Variants in USP13 observed in about 807,000 individuals in gnomAD.
USP13 encodes ubiquitin carboxyl-terminal hydrolase 13.
A neutral mutation model predicts 107.8 loss-of-function variants in USP13; 68 were observed. That is an observed-to-expected ratio of 0.63 (90% confidence interval 0.52 to 0.77). The LOEUF (loss-of-function observed/expected upper bound fraction) is 0.77, where lower values mean the gene tolerates loss of function less well. USP13 is among the 30% of genes least tolerant of loss of function. The probability of loss-of-function intolerance (pLI) is 0.00; values close to 1 mark genes in which losing one functional copy is unlikely to be tolerated. For missense variants in USP13, 945 were observed against 1,093.3 expected, an observed-to-expected ratio of 0.86 and a Z score of 1.91; for synonymous variants, 377 against 389.5, an observed-to-expected ratio of 0.97 and a Z score of 0.38.
Position 179,706,931 on chromosome 3 carries a change from T to C in USP13, c.478-3T>C, listed in dbSNP as rs766591232. ...ATATATTACATCTGGGTTTGTCTTA[T>C]AGGTAACAATTGCTTGTGATGCAGT... is the stretch of plus-strand genomic sequence containing the variant. On this transcript the variant is annotated splice_polypyrimidine_tract_variant and splice_region_variant and intron_variant, in intron 4 of 20. Transcript: ENST00000263966. The C allele has an allele frequency of 1.1e-5, 18 of 1,612,022 alleles. No individual in the cohort carries two copies. Among genetic ancestry groups the C allele is most frequent in the African/African-American group, 2.7e-5 (2 of 74,824 alleles).
chr3:179,674,447 C>T (rs563642919), intron 1 of USP13, among the ~76,000 whole-genome samples: 5 of 152,146 alleles, frequency 3.3e-5, no homozygotes, highest in Non-Finnish European at 7.3e-5. Context: ...GGAGAAGCAC[C>T]ACTGTAGACC....
intron 1 of USP13, among the ~76,000 whole-genome samples, chr3:179,669,827 T>C (rs916535231): frequency 1.4e-5 from 2 of 139,166 alleles, no homozygotes; most frequent in African/African-American, 4.9e-5. Flanking sequence ...ATGTATATTT[T>C]CTTGACCCCC....
chr3:179,783,909 C>T, intron 20 of USP13, 139 bp from the exon 21 acceptor site: 1 of 620,078 alleles, frequency 1.6e-6, no homozygotes, highest in Non-Finnish European at 2.7e-6. Context: ...CATTCTGTCC[C>T]TTTTTATACA....
At chr3:179,773,043 G>A (rs974208050) in intron 19 of USP13, among the ~76,000 whole-genome samples, 1 of 152,176 alleles carries the variant, frequency 6.6e-6, no homozygotes, top group African/African-American at 2.4e-5. Context: ...TATTGCGCCT[G>A]ATATACTTTG....
At chr3:179,707,273 C>A (rs1447735552) in intron 5 of USP13, among the ~76,000 whole-genome samples, 197 bp downstream of exon 5, 13 of 152,172 alleles carry the variant, frequency 8.5e-5, no homozygotes, top group African/African-American at 2.9e-4. Context: ...TACCCCTAAG[C>A]CCTTCCCTGC....
chr3:179,675,321 T>C (rs1344340928), intron 1 of USP13, among the ~76,000 whole-genome samples: 1 of 151,888 alleles, frequency 6.6e-6, no homozygotes, highest in African/African-American at 2.4e-5. Flanking sequence ...TTCGTATAAG[T>C]TGTAGATCTA....
At chr3:179,703,888 C>T (rs186659125) in intron 4 of USP13, among the ~76,000 whole-genome samples, 7 of 152,266 alleles carry the variant, frequency 4.6e-5, no homozygotes, top group Middle Eastern at 3.4e-3. Context: ...TATGATTTAA[C>T]GTTTTATAAT....
chr3:179,756,824 A>G (rs927156966), intron 15 of USP13, among the ~76,000 whole-genome samples: 2 of 152,128 alleles, frequency 1.3e-5, no homozygotes, highest in Non-Finnish European at 2.9e-5. Flanking sequence ...GTTTGTTAGG[A>G]TAATAATCAA....
rs1715931316 is a variant in USP13 at position 179,786,996 on chromosome 3, T to TGC, written c.*2855_*2856insGC. ...AAATGCCCATATAACTAATCAGAAATCCAGTTTGGTTCAGATTGGGATTTT... is the reference window on the plus strand; with the variant it reads ...AAATGCCCATATAACTAATCAGAAATGCCCAGTTTGGTTCAGATTGGGATTTT... On this transcript the variant is annotated 3_prime_UTR_variant, in exon 21 of 21. Transcript: ENST00000263966. 1.3e-5 allele frequency: 2 copies of TGC among 152,274 alleles called. No individual in the cohort carries two copies. Among genetic ancestry groups the TGC allele is most frequent in the African/African-American group, 4.8e-5 (2 of 41,568 alleles). 9.4% of individuals were successfully genotyped at this position (152,274 alleles called of 1,614,324 possible). A position where few individuals can be genotyped will look rare whatever the true frequency, so the allele number is the denominator to read the frequency against.
Position 179,764,160 on chromosome 3 carries a change from C to A in USP13, c.2251C>A (p.Arg751=). 1.2e-6 allele frequency: 2 copies of A among 1,608,104 alleles called. No homozygotes were observed. The highest frequency in any genetic ancestry group is 2.2e-5 in the East Asian group (1 of 44,572). ...GCGAAATCAGGCTATTCAGGCACTA[C>A]GAGCAACGGTGAGCATGAGAGACTG... The part of the protein sequence containing the change: ...FQRNQAIQAL[R]ATNNNLERAL... Residue 751 remains arginine (R), a synonymous_variant, in exon 18 of 21, where the codon CGA becomes AGA. Transcript: ENST00000263966.
intron 19 of USP13, among the ~76,000 whole-genome samples, chr3:179,773,648 G>A (rs949432219): frequency 6.6e-6 from 1 of 152,162 alleles, no homozygotes. Context: ...ATTAATGAGA[G>A]AATCAGTCAG....
intron 2 of USP13, among the ~76,000 whole-genome samples, chr3:179,688,078 T>TATCCATCCATCC (rs370920027): frequency 2.7e-4 from 24 of 87,344 alleles, no homozygotes; most frequent in Non-Finnish European, 5.0e-4. Flanking sequence ...GTAATCAGGA[T>TATCCATCCATCC]ATCCATCCAT....
At chr3:179,740,982 G>A (rs1284959563) in intron 11 of USP13, among the ~76,000 whole-genome samples, 1 of 151,940 alleles carries the variant, frequency 6.6e-6, no homozygotes, top group East Asian at 1.9e-4. Flanking sequence ...GGTCAGGCTG[G>A]TTTTGAACTC....
chr3:179,683,688 G>A (rs1041286947), intron 2 of USP13, among the ~76,000 whole-genome samples: 2 of 152,202 alleles, frequency 1.3e-5, no homozygotes, highest in South Asian at 2.1e-4. Context: ...TTCCTCCCAT[G>A]ACATGGGGGA....
intron 1 of USP13, among the ~76,000 whole-genome samples, chr3:179,666,075 T>C (rs569677860): frequency 3.9e-5 from 6 of 152,164 alleles, no homozygotes; most frequent in African/African-American, 1.2e-4. Context: ...GTATGTGAGA[T>C]AGTAAATTGT....
At chr3:179,726,231 G>T (rs1406151702) in intron 8 of USP13, among the ~76,000 whole-genome samples, 1 of 152,150 alleles carries the variant, frequency 6.6e-6, no homozygotes, top group Non-Finnish European at 1.5e-5. Context: ...ACAGCAGAAG[G>T]CATGACCTTG....
intron 8 of USP13, among the ~76,000 whole-genome samples, chr3:179,728,181 C>T (rs374939973): frequency 7.8e-5 from 11 of 141,006 alleles, no homozygotes; most frequent in South Asian, 2.4e-4. Flanking sequence ...CCGGACGGGG[C>T]GGCTGGCCTG....
intron 6 of USP13, among the ~76,000 whole-genome samples, chr3:179,709,221 G>C (rs1040474579): frequency 6.6e-6 from 1 of 152,172 alleles, no homozygotes; most frequent in Non-Finnish European, 1.5e-5. Flanking sequence ...CTCAGTGCAC[G>C]CTGTAAGGTC....
chr3:179,711,969 A>G (rs577129850), intron 6 of USP13, among the ~76,000 whole-genome samples: 1 of 152,344 alleles, frequency 6.6e-6, no homozygotes, highest in African/African-American at 2.4e-5. Flanking sequence ...CACTACAAGC[A>G]TGGGAGTGAT....
Sources: gnomAD v4.1 joint callset for allele counts (sites outside exome capture counted in the v4.1 genomes callset) on GRCh38, gnomAD v4.1.1 for gene constraint, MANE v1.5 for transcripts, NCBI Gene and HGNC (gene_info 2026-07-23, HGNC 2026-07-21) for gene names.